CCT3: variants seen among roughly 807,000 people sequenced by gnomAD.
The protein encoded by CCT3 is chaperonin containing TCP1 subunit 3.
In CCT3, 10 loss-of-function variants were observed where a neutral mutation model predicts 65.3. That is an observed-to-expected ratio of 0.15 (90% confidence interval 0.09 to 0.26). The LOEUF is 0.26. Among genes scored for constraint, CCT3 ranks in the 10% least tolerant of loss-of-function variants. The probability of loss-of-function intolerance (pLI) is 1.00; values close to 1 mark genes in which losing one functional copy is unlikely to be tolerated. For synonymous variants in CCT3, 225 were observed against 242.3 expected (o/e 0.93, Z 0.66); for missense variants, 626 against 708.7 (o/e 0.88, Z 1.33).
chr1:156,338,204 G>A lies in CCT3; in HGVS notation c.-20C>T. ...CATCATGGCGACGCGATGCAGAGCC[G>A]GGTACCCAGAGCTGGGGGAACCGGC... On this transcript the variant is annotated 5_prime_UTR_variant, in exon 1 of 14. Transcript: ENST00000295688. The A allele has an allele frequency of 2.5e-6, 4 of 1,583,678 alleles. No homozygotes were observed. The highest frequency in any genetic ancestry group is 1.9e-5 in the Admixed American group (1 of 52,976).
intron 5 of CCT3, among the ~76,000 whole-genome samples, chr1:156,328,873 A>ATG (rs1664980307): frequency 2.6e-5 from 4 of 151,572 alleles, no homozygotes; most frequent in Non-Finnish European, 5.9e-5. Context: ...AATAAAAAAA[A>ATG]AAAATGTACA....
intron 5 of CCT3, among the ~76,000 whole-genome samples, chr1:156,327,611 G>A (rs1482862279): frequency 2.6e-5 from 4 of 152,146 alleles, no homozygotes; most frequent in Non-Finnish European, 1.5e-5. Flanking sequence ...TGCCCAGGCT[G>A]GAGTGCAGTG....
chr1:156,314,466 G>C (rs1664224775), intron 10 of CCT3, among the ~76,000 whole-genome samples: 2 of 152,136 alleles, frequency 1.3e-5, no homozygotes, highest in Admixed American at 1.3e-4. Flanking sequence ...TGTAATCCCA[G>C]CACTTTGGGA....
chr1:156,312,288 T>C, intron 10 of CCT3, 67 bp from the exon 11 acceptor site: 1 of 1,465,182 alleles, frequency 6.8e-7, no homozygotes, highest in Non-Finnish European at 9.3e-7. Flanking sequence ...CCCTAGTCTC[T>C]AGGGTCTGTA....
At chr1:156,325,439 G>A (rs1432997627) in intron 5 of CCT3, among the ~76,000 whole-genome samples, 1 of 152,016 alleles carries the variant, frequency 6.6e-6, no homozygotes, top group Non-Finnish European at 1.5e-5. Flanking sequence ...AGGTTAAGAG[G>A]ATCACTTGAG....
At chr1:156,332,244 C>T (rs1212903364) in intron 5 of CCT3, among the ~76,000 whole-genome samples, 3 of 152,166 alleles carry the variant, frequency 2.0e-5, no homozygotes, top group Non-Finnish European at 4.4e-5. Flanking sequence ...GAACTCCTGA[C>T]CTCGTGATCT....
At chr1:156,312,385 G>A (rs768276064) in intron 10 of CCT3, among the ~76,000 whole-genome samples, 164 bp from the exon 11 acceptor site, 16 of 152,142 alleles carry the variant, frequency 1.1e-4, no homozygotes, top group Middle Eastern at 3.2e-3. Flanking sequence ...AGGGGGCCAG[G>A]CACAGTGGCT....
chr1:156,316,692 T>C (rs1360911144), intron 10 of CCT3, among the ~76,000 whole-genome samples: 1 of 152,210 alleles, frequency 6.6e-6, no homozygotes, highest in Non-Finnish European at 1.5e-5. Flanking sequence ...CAAGACCTTG[T>C]CTATTAAAAA....
intron 9 of CCT3, 39 bp from the exon 10 acceptor site, chr1:156,317,286 A>G: frequency 6.2e-7 from 1 of 1,608,684 alleles, no homozygotes; most frequent in Non-Finnish European, 8.5e-7. Context: ...CTGGGTTCTG[A>G]ACTGGTTTTA....
At chr1:156,313,951 G>A (rs1167590483) in intron 10 of CCT3, among the ~76,000 whole-genome samples, 1 of 152,072 alleles carries the variant, frequency 6.6e-6, no homozygotes, top group Non-Finnish European at 1.5e-5. Context: ...AGCTGGGCAT[G>A]GTGGTGCGCA....
At chr1:156,320,618 T>C (rs12134983) in intron 7 of CCT3, among the ~76,000 whole-genome samples, 35,416 of 151,956 alleles carry the variant, frequency 0.23, 4,776 homozygotes, top group Non-Finnish European at 0.29. Context: ...CAGTGGCATG[T>C]GCCTGTAGTC....
chr1:156,328,043 GGTCC>G (rs1664916635), intron 5 of CCT3, among the ~76,000 whole-genome samples: 1 of 3,300 alleles, frequency 3.0e-4, no homozygotes. Context: ...GGGAGGTGGG[GGTCC>G]AGCCGCCCCA....
intron 5 of CCT3, among the ~76,000 whole-genome samples, chr1:156,331,192 C>T (rs1344423044): frequency 6.6e-6 from 1 of 151,480 alleles, no homozygotes; most frequent in South Asian, 2.1e-4. Context: ...GATTGCACAA[C>T]TGTACTCTAG....
Position 156,338,186 on chromosome 1 carries a change from G to A in CCT3, c.-2C>T. 1 of 1,587,564 alleles carries A rather than the reference G, an allele frequency of 6.3e-7. No homozygotes were observed. The highest frequency in any genetic ancestry group is 1.2e-5 in the South Asian group (1 of 86,546). On this transcript the variant is annotated 5_prime_UTR_variant, in exon 1 of 14. Transcript: ENST00000295688. ...GAGCACTGGACGATGGCCCATCATG[G>A]CGACGCGATGCAGAGCCGGGTACCC... is the stretch of plus-strand genomic sequence containing the variant.
intron 10 of CCT3, among the ~76,000 whole-genome samples, chr1:156,312,962 G>A (rs539079120): frequency 1.0e-3 from 157 of 152,288 alleles, no homozygotes; most frequent in Non-Finnish European, 1.6e-3. Context: ...TTTAGAAAGA[G>A]GTTTGTTTGG....
intron 8 of CCT3, 45 bp downstream of exon 8, chr1:156,318,819 GCAGT>G (rs1182973467): frequency 1.3e-6 from 2 of 1,574,636 alleles, no homozygotes; most frequent in African/African-American, 2.7e-5. Context: ...GTTCATATTT[GCAGT>G]CAGATTCTTG....
At chr1:156,327,410 C>T (rs1228574985) in intron 5 of CCT3, among the ~76,000 whole-genome samples, 1 of 152,268 alleles carries the variant, frequency 6.6e-6, no homozygotes, top group East Asian at 1.9e-4. Context: ...CCTGCCTCAG[C>T]CTGCCGAGTG....
intron 6 of CCT3, among the ~76,000 whole-genome samples, chr1:156,324,180 G>A (rs12044543): frequency 0.23 from 34,983 of 151,684 alleles, 4,642 homozygotes; most frequent in Non-Finnish European, 0.29. Flanking sequence ...CGATTCTCCT[G>A]CCTCAGCCTC....
chr1:156,317,057 C>T (rs1024137636), intron 10 of CCT3, 109 bp downstream of exon 10: 3 of 956,548 alleles, frequency 3.1e-6, no homozygotes, highest in African/African-American at 1.6e-5. Context: ...GTTATTTCTA[C>T]CTGTTACTAT....
Sources: allele counts gnomAD v4.1 joint callset (sites outside exome capture counted in the v4.1 genomes callset), GRCh38; gene constraint gnomAD v4.1.1; transcripts MANE v1.5; gene names NCBI Gene and HGNC (gene_info 2026-07-23, HGNC 2026-07-21).